EML6: variants seen among roughly 807,000 people sequenced by gnomAD.
EML6 encodes the protein echinoderm microtubule-associated protein-like 6.
In EML6, 154 loss-of-function variants were observed where a neutral mutation model predicts 240.1. The ratio of observed to expected loss-of-function variants is 0.64; its 90% confidence interval spans 0.56 to 0.73. EML6 has a LOEUF of 0.73. EML6 is among the 30% of genes least tolerant of loss of function. The probability of loss-of-function intolerance (pLI) is 0.00; values close to 1 mark genes in which losing one functional copy is unlikely to be tolerated. For missense variants in EML6, 2,964 were observed against 2,474.6 expected, an observed-to-expected ratio of 1.20 and a Z score of -4.20; for synonymous variants, 1,148 against 899.0, an observed-to-expected ratio of 1.28 and a Z score of -4.95.
intron 26 of EML6, among the ~76,000 whole-genome samples, chr2:54,921,669 T>G (rs539540275): frequency 3.9e-5 from 6 of 152,130 alleles, no homozygotes; most frequent in African/African-American, 1.4e-4. Flanking sequence ...CTTTGAAATA[T>G]ACATTTCAAA....
chr2:54,961,184 G>GTTGGTTTTTTT, intron 35 of EML6, among the ~76,000 whole-genome samples: 3 of 55,424 alleles, frequency 5.4e-5, no homozygotes, highest in Non-Finnish European at 9.5e-5. Flanking sequence ...TCAGGAAGTA[G>GTTGGTTTTTTT]TTTTTTTTTT....
chr2:54,844,424 C>A (rs945497680), intron 8 of EML6, among the ~76,000 whole-genome samples, 176 bp downstream of exon 8: 2 of 152,186 alleles, frequency 1.3e-5, no homozygotes, highest in Non-Finnish European at 2.9e-5. Flanking sequence ...TGTTGTCTTT[C>A]TTGGCTGCAT....
At chr2:54,794,384 A>G (rs1669639065) in intron 2 of EML6, among the ~76,000 whole-genome samples, 1 of 152,128 alleles carries the variant, frequency 6.6e-6, no homozygotes, top group South Asian at 2.1e-4. Flanking sequence ...AATTTTTCTT[A>G]GCAAAATTCT....
intron 28 of EML6, among the ~76,000 whole-genome samples, chr2:54,938,161 C>T (rs1225617405): frequency 6.6e-6 from 1 of 152,198 alleles, no homozygotes. Flanking sequence ...GCCTGGCCAA[C>T]ATGGCAAAAC....
chr2:54,950,572 C>T (rs1295945251), intron 29 of EML6, 78 bp from the exon 30 acceptor site: 1 of 1,489,310 alleles, frequency 6.7e-7, no homozygotes, highest in Non-Finnish European at 9.1e-7. Context: ...CACGAGGCTG[C>T]TCACGCAATG....
At chr2:54,921,516 C>T (rs1674251540) in intron 26 of EML6, among the ~76,000 whole-genome samples, 1 of 152,062 alleles carries the variant, frequency 6.6e-6, no homozygotes, top group Non-Finnish European at 1.5e-5. Flanking sequence ...AAATAATCTG[C>T]AGATTCAATG....
At chr2:54,771,295 C>A (rs1668392296) in intron 2 of EML6, among the ~76,000 whole-genome samples, 2 of 152,290 alleles carry the variant, frequency 1.3e-5, no homozygotes, top group Non-Finnish European at 2.9e-5. Flanking sequence ...TTCTTTCTTT[C>A]TCATCACGCT....
intron 2 of EML6, among the ~76,000 whole-genome samples, chr2:54,765,435 C>T (rs1302587780): frequency 6.6e-6 from 1 of 152,140 alleles, no homozygotes; most frequent in Non-Finnish European, 1.5e-5. Flanking sequence ...AACTTAAGGG[C>T]AAACAAATTT....
At position 54,907,530 on chromosome 2, in the gene EML6, A is replaced by G. The variant is rs535414845; in HGVS notation, c.3410-3424A>G. 3.3e-5 allele frequency among the ~76,000 whole-genome samples: 5 copies of G among 152,256 alleles called. No individual in the cohort carries two copies. In the East Asian group the frequency reaches 7.7e-4, roughly 24 times the overall value. ...TCAAAAAGTAATAATAAAAATGACA[A>G]TTTGAGCCATAATAGGACATTTCAT... On this transcript the variant is annotated intron_variant, in intron 24 of 41. Coordinates refer to ENST00000356458, the MANE Select transcript of EML6 (RefSeq NM_001039753.4).
chr2:54,727,897 A>T (rs1199045742), intron 2 of EML6, among the ~76,000 whole-genome samples: 1 of 152,246 alleles, frequency 6.6e-6, no homozygotes, highest in East Asian at 1.9e-4. Context: ...GTGATCTCCA[A>T]GATCATAATG....
Position 54,744,905 on chromosome 2 carries a change from T to TACACACACACAC in EML6, c.197+19694_197+19705dup, listed in dbSNP as rs56324677. ...ATGTGTATAACACAACACACACACG[T>TACACACACACAC]ACACACACACACACACACACACACA... is the stretch of plus-strand genomic sequence containing the variant. On this transcript the variant is annotated intron_variant, in intron 2 of 41. Coordinates refer to ENST00000356458, the MANE Select transcript of EML6 (RefSeq NM_001039753.4). Among the ~76,000 whole-genome samples the TACACACACACAC allele has an allele frequency of 4.5e-3, 483 of 107,272 alleles. 21 individuals are homozygous for TACACACACACAC. Among genetic ancestry groups the TACACACACACAC allele is most frequent in the East Asian group, 0.025 (75 of 2,962 alleles). The allele number at this position is 107,272 out of a possible 152,430, so 70.4% of individuals were successfully genotyped here.
chr2:54,782,294 G>A (rs1328779113), intron 2 of EML6, among the ~76,000 whole-genome samples: 1 of 152,038 alleles, frequency 6.6e-6, no homozygotes, highest in South Asian at 2.1e-4. Flanking sequence ...TATTTACAAA[G>A]TGTCATTTTA....
chr2:54,968,818 C>G, intron 41 of EML6, 50 bp downstream of exon 41: 2 of 1,007,596 alleles, frequency 2.0e-6, no homozygotes, highest in Non-Finnish European at 3.0e-6. Context: ...GGCCAGCTCT[C>G]CCTCCCCATC....
At chr2:54,910,803 G>A (rs539149722) in intron 24 of EML6, 151 bp from the exon 25 acceptor site, 2 of 535,298 alleles carry the variant, frequency 3.7e-6, no homozygotes, top group Admixed American at 3.0e-5. Flanking sequence ...GTAATTGGCT[G>A]TACATGCCCT....
Position 54,879,643 on chromosome 2 carries a change from A to C in EML6, c.2438+3A>C. 1 of 1,533,326 alleles carries C rather than the reference A, an allele frequency of 6.5e-7. No homozygotes were observed. The highest frequency in any genetic ancestry group is 8.9e-7 in the Non-Finnish European group (1 of 1,129,876). 95.0% of individuals were successfully genotyped at this position (1,533,326 alleles called of 1,614,324 possible). A position where few individuals can be genotyped will look rare whatever the true frequency, so the allele number is the denominator to read the frequency against. ...GGAGAAAAGATAGCCACAACAAGGT[A>C]AGAAGCTGCCGGGATCTTACGGTAT... On this transcript the variant is annotated splice_donor_region_variant and intron_variant, in intron 17 of 41. Transcript: ENST00000356458.
intron 25 of EML6, among the ~76,000 whole-genome samples, chr2:54,913,348 G>C (rs779595683): frequency 1.3e-5 from 2 of 151,594 alleles, no homozygotes; most frequent in Non-Finnish European, 2.9e-5. Context: ...GCCGGGCTTA[G>C]GTGATCTTCC....
intron 2 of EML6, among the ~76,000 whole-genome samples, chr2:54,768,816 A>C (rs907195096): frequency 4.6e-5 from 7 of 152,172 alleles, no homozygotes; most frequent in Non-Finnish European, 7.4e-5. Flanking sequence ...TTTTCTACTC[A>C]AAGTTTTTTT....
At position 54,964,619 on chromosome 2, in the gene EML6, A is replaced by G. The variant is rs1173480022; in HGVS notation, c.5379A>G (p.Thr1793=). ...TAGCCGTTGGTTCTTCTGAACACAC[A>G]GTTGACTTCTATGACCTCACTCAGG... is the stretch of plus-strand genomic sequence containing the variant. ...RFLAVGSSEH[T]VDFYDLTQGT... is the part of the protein sequence containing the mutation. The change falls in exon 38 of 42, where the codon ACA becomes ACG. Residue 1793 remains threonine, a synonymous_variant. Coordinates refer to ENST00000356458, the MANE Select transcript of EML6 (RefSeq NM_001039753.4). 5.2e-6 allele frequency: 8 copies of G among 1,552,302 alleles called. No homozygotes were observed. Among genetic ancestry groups the G allele is most frequent in the Admixed American group, 2.0e-5 (1 of 51,000 alleles).
In EML6 at chr2:54,753,662, GTTT is replaced by G. The variant is rs59382484; in HGVS notation, c.197+28421_197+28423del. Reference sequence around the variant, plus strand: ...GCCCCCAGTAAGAATGCAGTCCTGAGTTTTTTTTTTTTTTTTTTTGAGAGACTG... The same window carrying G: ...GCCCCCAGTAAGAATGCAGTCCTGAGTTTTTTTTTTTTTTTTGAGAGACTG... On this transcript the variant is annotated intron_variant, in intron 2 of 41. Coordinates refer to ENST00000356458, the MANE Select transcript of EML6 (RefSeq NM_001039753.4). Among the ~76,000 whole-genome samples, 578 of 133,764 alleles carry G rather than the reference GTTT, an allele frequency of 4.3e-3. 1 individual carries two copies. Among genetic ancestry groups the G allele is most frequent in the South Asian group, 7.6e-3 (31 of 4,090 alleles). 87.8% of individuals were successfully genotyped at this position (133,764 alleles called of 152,430 possible).
Sources: allele counts gnomAD v4.1 joint callset (sites outside exome capture counted in the v4.1 genomes callset), GRCh38; gene constraint gnomAD v4.1.1; transcripts MANE v1.5; gene names NCBI Gene and HGNC (gene_info 2026-07-23, HGNC 2026-07-21).